The following ENOX1 variants were observed in gnomAD, a reference collection of about 807,000 sequenced individuals.
ENOX1 encodes candidate growth-related and time keeping constitutive hydroquinone (NADH) oxidase.
ENOX1 carries 42 observed loss-of-function variants against 82.5 expected under a neutral mutation model. The ratio of observed to expected loss-of-function variants is 0.51; its 90% CI spans 0.40 to 0.66. The LOEUF (loss-of-function observed/expected upper bound fraction) is 0.66, where lower values mean the gene tolerates loss of function less well. Among genes scored for constraint, ENOX1 ranks in the 30% least tolerant of loss-of-function variants. ENOX1 has a pLI of 0.00. For synonymous variants in ENOX1, 271 were observed against 282.2 expected (o/e 0.96, Z 0.40); for missense variants, 608 against 811.6 (o/e 0.75, Z 3.05).
intron 14 of ENOX1, among the ~76,000 whole-genome samples, chr13:43,249,928 C>T (rs1444752846): frequency 1.2e-4 from 19 of 152,168 alleles, no homozygotes; most frequent in Admixed American, 1.1e-3. Flanking sequence ...ACCAAGCGTT[C>T]CTGATTGCTT....
chr13:43,732,099 C>T (rs1197284488), intron 1 of ENOX1, among the ~76,000 whole-genome samples: 1 of 152,212 alleles, frequency 6.6e-6, no homozygotes, highest in East Asian at 1.9e-4. Context: ...AAGCTTGTAA[C>T]ACTACCAAGC....
At chr13:43,615,572 T>C (rs1156972324) in intron 2 of ENOX1, among the ~76,000 whole-genome samples, 1 of 152,184 alleles carries the variant, frequency 6.6e-6, no homozygotes, top group African/African-American at 2.4e-5. Context: ...TAATTAATCA[T>C]GAAAACTCTT....
At chr13:43,676,457 G>T (rs73479962) in intron 1 of ENOX1, among the ~76,000 whole-genome samples, 3,062 of 152,216 alleles carry the variant, frequency 0.02, 120 homozygotes, top group African/African-American at 0.071. Flanking sequence ...TCAGAGCTGT[G>T]AGGACTCCCA....
chr13:43,293,288 C>T (rs1403090561), intron 12 of ENOX1, among the ~76,000 whole-genome samples: 3 of 151,954 alleles, frequency 2.0e-5, no homozygotes, highest in Non-Finnish European at 2.9e-5. Flanking sequence ...ACCACCATAG[C>T]TAATAAGGCC....
At chr13:43,471,723 T>C (rs576841320) in intron 3 of ENOX1, among the ~76,000 whole-genome samples, 28 of 147,934 alleles carry the variant, frequency 1.9e-4, no homozygotes, top group African/African-American at 6.1e-4. Context: ...GGCAGGAGAA[T>C]GGTGTAAGCC....
intron 1 of ENOX1, among the ~76,000 whole-genome samples, chr13:43,677,671 T>G (rs1383405007): frequency 6.6e-6 from 1 of 152,178 alleles, no homozygotes; most frequent in African/African-American, 2.4e-5. Flanking sequence ...TAACTTTCTT[T>G]GCAAAGCATT....
chr13:43,213,877 A>G lies in ENOX1; in HGVS notation c.*113T>C, dbSNP rs2041314217. ...CAGATATAACTAAAGGCAGGCTTCG[A>G]TGGCTCCACAAAGGTTGCGTGCTGG... is the stretch of plus-strand genomic sequence containing the variant. On this transcript the variant is annotated 3_prime_UTR_variant, in exon 17 of 17. Transcript: ENST00000690772. 3.3e-6 allele frequency: 4 copies of G among 1,210,782 alleles called. No individual in the cohort carries two copies. The highest frequency in any genetic ancestry group is 2.5e-5 in the Admixed American group (1 of 40,644). The allele number at this position is 1,210,782 out of a possible 1,614,324, so 75.0% of individuals were successfully genotyped here.
intron 2 of ENOX1, among the ~76,000 whole-genome samples, chr13:43,508,582 T>C (rs2077258382): frequency 6.6e-6 from 1 of 151,966 alleles, no homozygotes; most frequent in Admixed American, 6.6e-5. Flanking sequence ...TAACGAGAAC[T>C]TCTGGGTTTT....
intron 15 of ENOX1, among the ~76,000 whole-genome samples, chr13:43,233,568 C>T (rs1566295797): frequency 6.6e-6 from 1 of 152,118 alleles, no homozygotes; most frequent in Non-Finnish European, 1.5e-5. Flanking sequence ...ACTAGAATTG[C>T]TCATTGTTTA....
chr13:43,292,858 A>G (rs1316534730), intron 12 of ENOX1, among the ~76,000 whole-genome samples: 1 of 151,300 alleles, frequency 6.6e-6, no homozygotes, highest in Non-Finnish European at 1.5e-5. Context: ...CACCATTTCT[A>G]CCCCAGTCAC....
intron 2 of ENOX1, among the ~76,000 whole-genome samples, chr13:43,630,064 T>C (rs995550627): frequency 1.1e-4 from 16 of 152,210 alleles, no homozygotes; most frequent in African/African-American, 3.9e-4. Context: ...CCCTGAAGTT[T>C]GAGGTATTTT....
chr13:43,676,703 G>C (rs9525822), intron 1 of ENOX1, among the ~76,000 whole-genome samples: 11,022 of 152,160 alleles, frequency 0.072, 561 homozygotes, highest in African/African-American at 0.14. Flanking sequence ...AGTGATCACA[G>C]TTACTGGGGC....
At chr13:43,616,845 ATTTTG>A (rs1047153502) in intron 2 of ENOX1, among the ~76,000 whole-genome samples, 1 of 149,192 alleles carries the variant, frequency 6.7e-6, no homozygotes, top group East Asian at 1.9e-4. Flanking sequence ...TTTTTGTTTA[ATTTTG>A]TTTTATTATT....
intron 3 of ENOX1, among the ~76,000 whole-genome samples, chr13:43,482,000 G>A (rs1053598796): frequency 6.6e-6 from 1 of 152,082 alleles, no homozygotes; most frequent in African/African-American, 2.4e-5. Context: ...AATAGACAAG[G>A]GTTAGCAAAG....
At chr13:43,435,749 T>C (rs1470103386) in intron 3 of ENOX1, among the ~76,000 whole-genome samples, 5 of 152,126 alleles carry the variant, frequency 3.3e-5, no homozygotes, top group African/African-American at 9.7e-5. Flanking sequence ...TTTCCATTCA[T>C]AAAAAATTAT....
At chr13:43,464,265 A>G (rs1404913207) in intron 3 of ENOX1, among the ~76,000 whole-genome samples, 3 of 152,242 alleles carry the variant, frequency 2.0e-5, no homozygotes, top group Non-Finnish European at 4.4e-5. Flanking sequence ...TATGAAGGAA[A>G]TAAATACAGA....
chr13:43,456,351 T>C, intron 3 of ENOX1, among the ~76,000 whole-genome samples: 1 of 152,078 alleles, frequency 6.6e-6, no homozygotes, highest in African/African-American at 2.4e-5. Context: ...TTATTTCATA[T>C]ATATACATTA....
chr13:43,353,772 A>G (rs1226729045), intron 8 of ENOX1, among the ~76,000 whole-genome samples: 1 of 152,210 alleles, frequency 6.6e-6, no homozygotes. Flanking sequence ...AAAATTTCCA[A>G]TCTGTTCTTT....
chr13:43,299,397 G>A (rs772848668), intron 11 of ENOX1, among the ~76,000 whole-genome samples: 19 of 152,116 alleles, frequency 1.2e-4, no homozygotes, highest in Non-Finnish European at 2.1e-4. Context: ...ATAGCCTGCT[G>A]AGCACTCATA....
Sources: gnomAD v4.1 joint callset for allele counts (sites outside exome capture counted in the v4.1 genomes callset) on GRCh38, gnomAD v4.1.1 for gene constraint, MANE v1.5 for transcripts, NCBI Gene and HGNC (gene_info 2026-07-23, HGNC 2026-07-21) for gene names.